The following UHRF1 variants were observed in gnomAD, a reference collection of about 807,000 sequenced individuals.
The protein encoded by UHRF1 is E3 ubiquitin-protein ligase UHRF1.
In UHRF1, 9 loss-of-function variants were observed where a neutral mutation model predicts 96.5. The ratio of observed to expected loss-of-function variants is 0.09; its 90% CI spans 0.06 to 0.16. The LOEUF (loss-of-function observed/expected upper bound fraction) is 0.16. UHRF1 is among the 10% of genes least tolerant of loss of function. The pLI, the probability that UHRF1 is intolerant of heterozygous loss-of-function variation, is 1.00. For synonymous variants in UHRF1, 455 were observed against 469.9 expected (o/e 0.97, Z 0.41); for missense variants, 626 against 1,131.1 (o/e 0.55, Z 6.40).
chr19:4,922,899 C>G (rs1272148505), intron 2 of UHRF1, among the ~76,000 whole-genome samples: 2 of 152,200 alleles, frequency 1.3e-5, no homozygotes, highest in Non-Finnish European at 2.9e-5. Context: ...GTGCTTCTAT[C>G]CACCTCACCT....
intron 11 of UHRF1, among the ~76,000 whole-genome samples, chr19:4,949,845 TG>T (rs968015106): frequency 1.1e-4 from 10 of 93,310 alleles, no homozygotes; most frequent in African/African-American, 4.6e-4. Flanking sequence ...TCTTTTTGTT[TG>T]TTTTTTTTTT....
chr19:4,917,150 T>G (rs1392866123), intron 2 of UHRF1, among the ~76,000 whole-genome samples: 4 of 141,780 alleles, frequency 2.8e-5, no homozygotes, highest in African/African-American at 1.0e-4. Context: ...AGAGATGGGA[T>G]CTCGCTTTTT....
Position 4,909,514 on chromosome 19 carries a change from G to GCGTTT in UHRF1, c.-150_-149insTTTCG, listed in dbSNP as rs2032161180. The GCGTTT allele has an allele frequency of 1.5e-6, 1 of 658,292 alleles. No individual in the cohort carries two copies. Among genetic ancestry groups the GCGTTT allele is most frequent in the Non-Finnish European group, 2.7e-6 (1 of 364,988 alleles). 40.8% of individuals were successfully genotyped at this position (658,292 alleles called of 1,614,324 possible). On this transcript the variant is annotated 5_prime_UTR_variant, in exon 1 of 17. Coordinates refer to ENST00000650932, the MANE Select transcript of UHRF1 (RefSeq NM_001048201.3). ...GGGAAAAAAATCAGAGCAGCTGGCA[G>GCGTTT]CGCGGCGGGCAGCGTTTGCCGAGCG... is the stretch of plus-strand genomic sequence containing the variant.
At chr19:4,912,993 A>G (rs2032343165) in intron 2 of UHRF1, among the ~76,000 whole-genome samples, 1 of 151,768 alleles carries the variant, frequency 6.6e-6, no homozygotes, top group African/African-American at 2.4e-5. Context: ...GGCTCAAGTG[A>G]CCCTCCTGCC....
intron 2 of UHRF1, among the ~76,000 whole-genome samples, chr19:4,926,582 G>T (rs1340337195): frequency 6.6e-6 from 1 of 152,048 alleles, no homozygotes; most frequent in Non-Finnish European, 1.5e-5. Context: ...AAACCAGCTT[G>T]GGCAAAGCAG....
intron 2 of UHRF1, among the ~76,000 whole-genome samples, chr19:4,926,462 G>A (rs2032874177): frequency 6.6e-6 from 1 of 152,180 alleles, no homozygotes; most frequent in Admixed American, 6.6e-5. Flanking sequence ...CGATGTCCAC[G>A]GTGGGTTTCA....
At position 4,941,894 on chromosome 19, in the gene UHRF1, G is replaced by T. The variant is rs1429089540; in HGVS notation, c.1036G>T (p.Asp346Tyr). The change falls in exon 7 of 17, where the codon GAC (aspartate) becomes TAC (tyrosine). Residue 346 changes from aspartate to tyrosine, a missense_variant. Transcript: ENST00000650932. ...CDMAFHIYCL[D>Y]PPLSSVPSED... ...CATGGCCTTCCACATCTACTGCCTG[G>T]ACCCGCCCCTCAGCAGTGTTCCCAG... The T allele has an allele frequency of 6.5e-7, 1 of 1,538,312 alleles. No individual in the cohort carries two copies. The highest frequency in any genetic ancestry group is 1.4e-5 in the African/African-American group (1 of 72,582).
rs59654364 is a variant in UHRF1 at position 4,957,297 on chromosome 19, G to GTTTTTTTTTTTTT, written c.2235+499_2235+511dup. 3.9e-5 allele frequency among the ~76,000 whole-genome samples: 2 copies of GTTTTTTTTTTTTT among 51,034 alleles called. 1 individual carries two copies. Among genetic ancestry groups the GTTTTTTTTTTTTT allele is most frequent in the African/African-American group, 1.6e-4 (2 of 12,890 alleles). The allele number at this position is 51,034 out of a possible 152,430, so 33.5% of individuals were successfully genotyped here. On this transcript the variant is annotated intron_variant, in intron 16 of 16. Transcript: ENST00000650932. ...GAGGGACACAAGATCCCAGCTGATG[G>GTTTTTTTTTTTTT]TTTTTTTTTTTTTTTTTTTTTTTTT...
At chr19:4,933,976 T>TGTGTGC (rs1461774720) in intron 5 of UHRF1, among the ~76,000 whole-genome samples, 3 of 151,176 alleles carry the variant, frequency 2.0e-5, no homozygotes, top group African/African-American at 7.3e-5. Flanking sequence ...TGTGTGCGTG[T>TGTGTGC]GTGTGTGTGT....
intron 5 of UHRF1, among the ~76,000 whole-genome samples, chr19:4,939,948 C>T (rs377729950): frequency 2.1e-4 from 31 of 148,158 alleles, no homozygotes; most frequent in East Asian, 8.2e-4. Flanking sequence ...GGCGTGAACC[C>T]GGGAGGTGGA....
At chr19:4,909,386 C>G (rs1233396913), upstream of UHRF1, 2 of 633,962 alleles carry the variant, frequency 3.2e-6, no homozygotes, top group Admixed American at 2.4e-5. Context: ...GCCCCCCACC[C>G]TCTTTCTCGC....
intron 2 of UHRF1, among the ~76,000 whole-genome samples, chr19:4,921,931 C>T (rs530819236): frequency 6.6e-6 from 1 of 152,210 alleles, no homozygotes; most frequent in East Asian, 1.9e-4. Context: ...CTTAAAAACT[C>T]GATTTTTATT....
At position 4,930,089 on chromosome 19, in the gene UHRF1, C is replaced by G. The variant is rs1169268639; in HGVS notation, c.408+613C>G. On this transcript the variant is annotated intron_variant, in intron 3 of 16. Transcript: ENST00000650932. This position sits in a 1 kb window ranked among gnomAD's most constrained non-coding sequence, Gnocchi z 4.4. ...TCCTGGGTTCAAGCAATTCTCGTGC[C>G]TCAGCCTCCTGAGTAGCTGGGATTA... Among the ~76,000 whole-genome samples, 1 of 152,214 alleles carries G rather than the reference C, an allele frequency of 6.6e-6. No individual in the cohort carries two copies. Among genetic ancestry groups the G allele is most frequent in the Non-Finnish European group, 1.5e-5 (1 of 68,048 alleles).
chr19:4,904,121 C>T (rs1022154395), intron 1 of UHRF1, among the ~76,000 whole-genome samples: 11 of 151,994 alleles, frequency 7.2e-5, no homozygotes, highest in Non-Finnish European at 1.5e-4. Flanking sequence ...GGATTACGGG[C>T]ATGGGGGTTA....
At chr19:4,935,377 C>T (rs1459554460) in intron 5 of UHRF1, among the ~76,000 whole-genome samples, 2 of 152,194 alleles carry the variant, frequency 1.3e-5, no homozygotes, top group Non-Finnish European at 2.9e-5. Flanking sequence ...GCCTCCCCAG[C>T]CATGCGGAAC....
chr19:4,947,749 C>T (rs1242628601), intron 11 of UHRF1, among the ~76,000 whole-genome samples: 1 of 150,808 alleles, frequency 6.6e-6, no homozygotes, highest in Non-Finnish European at 1.5e-5. Flanking sequence ...GATCTTCCCT[C>T]CTCGGCCTCC....
At chr19:4,906,752 CAAAAAGAAAAAGAA>C (rs1013086630), upstream of UHRF1, among the ~76,000 whole-genome samples, 10 of 151,890 alleles carry the variant, frequency 6.6e-5, no homozygotes, top group African/African-American at 1.2e-4. Context: ...GACTCCATCT[CAAAAAGAAAAAGAA>C]AAAAAGAAAA....
chr19:4,926,697 C>T (rs1283347787), intron 2 of UHRF1, among the ~76,000 whole-genome samples: 3 of 151,312 alleles, frequency 2.0e-5, no homozygotes, highest in South Asian at 2.1e-4. Flanking sequence ...GCCCAAGGTT[C>T]GATGCTGCAG....
At chr19:4,912,424 C>T (rs765826754) in intron 2 of UHRF1, among the ~76,000 whole-genome samples, 3 of 152,246 alleles carry the variant, frequency 2.0e-5, no homozygotes, top group Admixed American at 6.5e-5. Flanking sequence ...AGGTCAGTGG[C>T]GGGTTGGACT....
Sources: gnomAD v4.1 joint callset for allele counts (sites outside exome capture counted in the v4.1 genomes callset) on GRCh38, gnomAD v4.1.1 for gene constraint, Gnocchi (gnomAD v3.1) non-coding constraint, MANE v1.5 for transcripts, NCBI Gene and HGNC (gene_info 2026-07-23, HGNC 2026-07-21) for gene names.